NKTR: variants seen among roughly 807,000 people sequenced by gnomAD.
The protein encoded by NKTR is NK-tumor recognition protein.
In NKTR, 67 loss-of-function variants were observed where a neutral mutation model predicts 156.3. That is an observed-to-expected ratio of 0.43 (90% CI 0.35 to 0.53). NKTR has a LOEUF of 0.53. NKTR is among the 20% of genes least tolerant of loss of function. The pLI, the probability that NKTR is intolerant of heterozygous loss-of-function variation, is 0.01. For missense variants in NKTR, 1,604 were observed against 1,730.9 expected, an observed-to-expected ratio of 0.93 and a Z score of 1.30; for synonymous variants, 640 against 596.6, an observed-to-expected ratio of 1.07 and a Z score of -1.06.
intron 2 of NKTR, among the ~76,000 whole-genome samples, chr3:42,608,876 A>G (rs1422178111): frequency 1.3e-5 from 2 of 152,202 alleles, no homozygotes; most frequent in African/African-American, 4.8e-5. Context: ...CGGTAATCCC[A>G]GCACTTTGGG....
chr3:42,631,001 T>A (rs558023902), intron 7 of NKTR, 170 bp from the exon 8 acceptor site: 49 of 1,416,074 alleles, frequency 3.5e-5, no homozygotes, highest in Non-Finnish European at 4.1e-5. Flanking sequence ...ATCGTTTCCT[T>A]TTATGAAGCA....
chr3:42,639,876 T>C, intron 13 of NKTR, 126 bp downstream of exon 13: 1 of 781,634 alleles, frequency 1.3e-6, no homozygotes, highest in Middle Eastern at 2.4e-4. Flanking sequence ...AAGTCTTGTT[T>C]TGTGTGATTC....
chr3:42,642,381 G>A, intron 13 of NKTR, 120 bp from the exon 14 acceptor site: 1 of 666,688 alleles, frequency 1.5e-6, no homozygotes, highest in Non-Finnish European at 2.7e-6. Context: ...TCCACTGTGA[G>A]GAGTTTGTGA....
Position 42,637,533 on chromosome 3 carries a change from T to A in NKTR, c.1829T>A (p.Leu610Gln). The A allele has an allele frequency of 6.2e-7, 1 of 1,614,024 alleles. No individual in the cohort carries two copies. The highest frequency in any genetic ancestry group is 8.5e-7 in the Non-Finnish European group (1 of 1,180,002). Reference sequence around the variant, plus strand: ...GCAGAAAATATTCCTGTAATACCACTGAGTGACAGTCCCCCCCCTTCAAGA... The same window carrying A: ...GCAGAAAATATTCCTGTAATACCACAGAGTGACAGTCCCCCCCCTTCAAGA... ...VVAENIPVIP[L>Q]SDSPPPSRWK... Residue 610 changes from leucine to glutamine, a missense_variant, in exon 13 of 17, where the codon CTG becomes CAG. By Grantham distance (113) the Leu-to-Gln change is moderately radical. This residue lies in a region of NKTR where 1,255 missense variants were observed against 1,243.7 expected (regional missense o/e 1.01). Transcript: ENST00000232978.
chr3:42,618,962 C>A lies in NKTR; in HGVS notation c.134-58C>A. The A allele has an allele frequency of 2.8e-6, 4 of 1,412,708 alleles. No homozygotes were observed. The South Asian group carries it at 5.3e-5, about 19-fold the overall frequency. 87.5% of individuals were successfully genotyped at this position (1,412,708 alleles called of 1,614,324 possible). On this transcript the variant is annotated intron_variant, in intron 3 of 16. Coordinates refer to ENST00000232978, the MANE Select transcript of NKTR (RefSeq NM_005385.4). ...CACAGGATTAATTGGTTTGTTCTTT[C>A]CATGGAAGGATGTATAAATAATTAA...
chr3:42,611,243 A>T (rs1706772940), intron 2 of NKTR: 1 of 152,164 alleles, frequency 6.6e-6, no homozygotes. Flanking sequence ...ATCTGCAGGA[A>T]ACCTTTAGCT....
Position 42,646,200 on chromosome 3 carries a change from A to T in NKTR, c.*225A>T. 2.6e-6 allele frequency: 1 copy of T among 378,028 alleles called. No homozygotes were observed. Among genetic ancestry groups the T allele is most frequent in the South Asian group, 5.6e-5 (1 of 17,918 alleles). The allele number at this position is 378,028 out of a possible 1,614,324, so 23.4% of individuals were successfully genotyped here. A position where few individuals can be genotyped will look rare whatever the true frequency, so the allele number is the denominator to read the frequency against. The stretch of plus-strand genomic sequence containing the variant: ...CATTTTACAGTAGCCAACTATGGAA[A>T]TGAATTTCATTTTCTTGAATCAAGA... On this transcript the variant is annotated 3_prime_UTR_variant, in exon 17 of 17. Transcript: ENST00000232978.
At chr3:42,613,291 T>C (rs1707019416) in intron 2 of NKTR, among the ~76,000 whole-genome samples, 1 of 152,162 alleles carries the variant, frequency 6.6e-6, no homozygotes, top group African/African-American at 2.4e-5. Context: ...CAGTATATAG[T>C]ACTGTTGGAT....
At chr3:42,630,428 C>T in intron 6 of NKTR, 118 bp from the exon 7 acceptor site, 6 of 1,528,848 alleles carry the variant, frequency 3.9e-6, no homozygotes, top group South Asian at 1.3e-5. Context: ...TTAACTTTTT[C>T]CCCTATCTTT....
At chr3:42,633,429 A>G in intron 9 of NKTR, 151 bp from the exon 10 acceptor site, 1 of 1,414,138 alleles carries the variant, frequency 7.1e-7, no homozygotes, top group Non-Finnish European at 9.2e-7. Context: ...CTGGGTTGAT[A>G]TTGTTCTCTT....
chr3:42,643,789 G>A (rs1710117659), intron 15 of NKTR, 113 bp from the exon 16 acceptor site: 2 of 721,816 alleles, frequency 2.8e-6, no homozygotes, highest in Non-Finnish European at 4.9e-6. Context: ...TCCTCATGCT[G>A]TCACCTAGTG....
Position 42,633,589 on chromosome 3 carries a change from G to C in NKTR, c.783G>C (p.Glu261Asp). Residue 261 changes from glutamate to aspartate, a missense_variant, in exon 10 of 17, where the codon GAG becomes GAC. Transcript: ENST00000232978. ...CTTGGTTTGTTCTAAGTCACTCTGA[G>C]AGGAGTGATACCAATGAAAAAAGGT... ...KHAMNPKGHS[E>D]RSDTNEKRSV... 2.5e-6 allele frequency: 4 copies of C among 1,613,320 alleles called. No homozygotes were observed. Among genetic ancestry groups the C allele is most frequent in the Non-Finnish European group, 3.4e-6 (4 of 1,179,400 alleles).
At chr3:42,623,889 A>C (rs1201894799) in intron 6 of NKTR, 1 of 152,184 alleles carries the variant, frequency 6.6e-6, no homozygotes, top group Admixed American at 6.6e-5. Context: ...TTATAGGCTC[A>C]ATAAGGATTT....
intron 12 of NKTR, 86 bp downstream of exon 12, chr3:42,635,452 A>G: frequency 1.9e-6 from 2 of 1,063,058 alleles, no homozygotes; most frequent in East Asian, 5.5e-5. Context: ...ACTTTTCATT[A>G]AAGATTCAGT....
Position 42,638,584 on chromosome 3 carries a change from T to C in NKTR, c.2880T>C (p.Ser960=). 6.2e-7 allele frequency: 1 copy of C among 1,614,064 alleles called. No individual in the cohort carries two copies. Among genetic ancestry groups the C allele is most frequent in the Non-Finnish European group, 8.5e-7 (1 of 1,180,004 alleles). The change falls in exon 13 of 17, where the codon TCT becomes TCC. Residue 960 remains serine, a synonymous_variant. Transcript: ENST00000232978. ...SSKQRTSTSD[S]EGSCSNSENN... ...AACAGCGCACATCAACTTCTGACTC[T>C]GAGGGGTCCTGTTCCAATTCGGAAA...
intron 2 of NKTR, among the ~76,000 whole-genome samples, chr3:42,606,790 T>G (rs1706276100): frequency 6.6e-6 from 1 of 152,162 alleles, no homozygotes; most frequent in Non-Finnish European, 1.5e-5. Context: ...GGAGGATTGC[T>G]TGAGCATAGG....
chr3:42,622,243 T>C (rs756907638), intron 6 of NKTR, among the ~76,000 whole-genome samples: 4 of 152,114 alleles, frequency 2.6e-5, no homozygotes, highest in Non-Finnish European at 4.4e-5. Flanking sequence ...ATAAATCCTT[T>C]GGCATACTTT....
rs550048331 is a variant in NKTR at position 42,630,796 on chromosome 3, A to G, written c.404+221A>G. 101 of 1,356,964 alleles carry G rather than the reference A, an allele frequency of 7.4e-5. 1 individual carries two copies. The African/African-American group carries it at 1.4e-3, about 18-fold the overall frequency. 84.1% of individuals were successfully genotyped at this position (1,356,964 alleles called of 1,614,324 possible). On this transcript the variant is annotated intron_variant, in intron 7 of 16. Transcript: ENST00000232978. ...GTGCTCATGGATGGGCTTCTCAGCA[A>G]TATAATTCTTTTTATTTTTTATTTT... is the stretch of plus-strand genomic sequence containing the variant.
chr3:42,604,125 CTG>C (rs2125756578), intron 2 of NKTR, among the ~76,000 whole-genome samples: 1 of 152,210 alleles, frequency 6.6e-6, no homozygotes, highest in African/African-American at 2.4e-5. Context: ...CTTTTAATAT[CTG>C]TGGGGTCTGT....
Sources: gnomAD v4.1 joint callset for allele counts (sites outside exome capture counted in the v4.1 genomes callset) on GRCh38, gnomAD v4.1.1 for gene constraint, gnomAD v4.1.1 regional missense constraint, MANE v1.5 for transcripts, NCBI Gene and HGNC (gene_info 2026-07-23, HGNC 2026-07-21) for gene names.